Variants in IGFALS observed in about 807,000 individuals in gnomAD.
IGFALS encodes the protein insulin-like growth factor-binding protein complex acid labile subunit.
In IGFALS, 2 loss-of-function variants were observed where a neutral mutation model predicts 2.6. The ratio of observed to expected loss-of-function variants is 0.77; its 90% confidence interval spans 0.32 to 2.44. The LOEUF is 2.44. Ranked by LOEUF, IGFALS falls within the 30% of genes most tolerant of loss-of-function variation. The pLI is 0.11. For missense variants in IGFALS, 996 were observed against 848.7 expected, an observed-to-expected ratio of 1.17 and a Z score of -2.16; for synonymous variants, 519 against 431.9, an observed-to-expected ratio of 1.20 and a Z score of -2.50.
In IGFALS at chr16:1,791,875, G is replaced by A; in HGVS notation, c.543C>T (p.Ser181=). 1 of 1,562,116 alleles carries A rather than the reference G, an allele frequency of 6.4e-7. No homozygotes were observed. Among genetic ancestry groups the A allele is most frequent in the South Asian group, 1.2e-5 (1 of 85,502 alleles). ...ACGCCGCATCGGGGAGCACCGCCAG[G>A]CTATTCCAGCCGAGGTTGAGGTCCC... ...SLWDLNLGWN[S]LAVLPDAAFR... The change falls in exon 2 of 2, where the codon AGC becomes AGT. Residue 181 remains serine, a synonymous_variant. Transcript: ENST00000215539.
At chr16:1,792,427 C>T (rs768523914) in intron 1 of IGFALS, 26 bp from the exon 2 acceptor site, 11 of 1,524,102 alleles carry the variant, frequency 7.2e-6, no homozygotes, top group South Asian at 3.8e-5. Context: ...CTTGGGGAGG[C>T]GGCCCGAGGA....
In IGFALS at chr16:1,791,387, G is replaced by A. The variant is rs775129479; in HGVS notation, c.1031C>T (p.Thr344Met). 1.9e-5 allele frequency: 30 copies of A among 1,610,066 alleles called. No homozygotes were observed. The highest frequency in any genetic ancestry group is 2.2e-5 in the South Asian group (2 of 91,088). ...FEGLGQLEVL[T>M]LDHNQLQEVK... The stretch of plus-strand genomic sequence containing the variant: ...CTCCTGGAGCTGGTTGTGGTCTAGC[G>A]TGAGCACCTCAAGCTGCCCCAGGCC... Residue 344 changes from threonine to methionine, a missense_variant, in exon 2 of 2, where the codon ACG becomes ATG. Coordinates refer to ENST00000215539, the MANE Select transcript of IGFALS (RefSeq NM_004970.3).
At position 1,791,439 on chromosome 16, in the gene IGFALS, G is replaced by A. The variant is rs373711888; in HGVS notation, c.979C>T (p.Arg327Trp). ...TCAAAGCTGCGCTCAGCCAGCTGCC[G>A]GATGCGGTTGTGGCCCAGCTGCAGC... ...EELQLGHNRI[R>W]QLAERSFEGL... Residue 327 changes from arginine (R) to tryptophan (W), a missense_variant, in exon 2 of 2, where the codon CGG (arginine) becomes TGG (tryptophan). Arg to Trp is a moderately radical substitution (Grantham distance 101, BLOSUM62 -3). Transcript: ENST00000215539. 38 of 1,612,324 alleles carry A rather than the reference G, an allele frequency of 2.4e-5. No individual in the cohort carries two copies. In the South Asian group the frequency reaches 2.4e-4, roughly 10 times the overall value.
In IGFALS at chr16:1,790,838, C is replaced by A. The variant is rs1273043264; in HGVS notation, c.1580G>T (p.Gly527Val). The change falls in exon 2 of 2, where the codon GGC (glycine) becomes GTC (valine). Residue 527 changes from glycine (G) to valine (V), a missense_variant. By Grantham distance (109) the Gly-to-Val change is moderately radical (BLOSUM62 -3). Coordinates refer to ENST00000215539, the MANE Select transcript of IGFALS (RefSeq NM_004970.3). The stretch of plus-strand genomic sequence containing the variant: ...ACCCTCCAGCCACAGGCGCTCCAGG[C>A]CCGGGGGCTGCGGCGTGAAGGTCCG... Reference protein sequence around the residue: ...SLRTFTPQPPGLERLWLEGNP... With the variant: ...SLRTFTPQPPVLERLWLEGNP... The A allele has an allele frequency of 1.9e-6, 3 of 1,567,944 alleles. No individual in the cohort carries two copies. In the Admixed American group the frequency reaches 5.7e-5, roughly 30 times the overall value.
At position 1,790,724 on chromosome 16, in the gene IGFALS, A is replaced by G. The variant is rs886051775; in HGVS notation, c.1694T>C (p.Ile565Thr). The change falls in exon 2 of 2, where the codon ATC becomes ACC. Residue 565 changes from isoleucine to threonine, a missense_variant. Ile to Thr is a moderately conservative substitution (Grantham distance 89). Transcript: ENST00000215539. Reference sequence around the variant, plus strand: ...CGGCTGGCAATCGTCCCCCTCACAGATGGCCTGGACGAAGCGGGGCACAGC... The same window carrying G: ...CGGCTGGCAATCGTCCCCCTCACAGGTGGCCTGGACGAAGCGGGGCACAGC... ...PSAVPRFVQA[I>T]CEGDDCQPPA... The G allele has an allele frequency of 6.2e-7, 1 of 1,608,496 alleles. No individual in the cohort carries two copies. Among genetic ancestry groups the G allele is most frequent in the Admixed American group, 1.7e-5 (1 of 59,392 alleles).
chr16:1,794,760 G>T (rs1017097288), upstream of IGFALS: 1 of 687,968 alleles, frequency 1.5e-6, no homozygotes, highest in Non-Finnish European at 2.7e-6. Flanking sequence ...GCCGGAAGGG[G>T]TGCAGGCGGG....
rs781171301 is a variant in IGFALS at position 1,792,356 on chromosome 16, C to T, written c.62G>A (p.Gly21Asp). The part of the protein sequence containing the change: ...ALLLLSWVAL[G>D]PRSLEGADPG... ...GTCTGCTCCCTCCAGGCTGCGGGGG[C>T]CCAGTGCCACCCAGGACAGCAGCAG... The change falls in exon 2 of 2, where the codon GGC becomes GAC. Residue 21 changes from glycine (G) to aspartate (D), a missense_variant. Transcript: ENST00000215539. 1 of 1,588,380 alleles carries T rather than the reference C, an allele frequency of 6.3e-7. No homozygotes were observed. Among genetic ancestry groups the T allele is most frequent in the South Asian group, 1.1e-5 (1 of 90,246 alleles).
At position 1,790,476 on chromosome 16, in the gene IGFALS, C is replaced by A; in HGVS notation, c.*124G>T. On this transcript the variant is annotated 3_prime_UTR_variant, in exon 2 of 2. Transcript: ENST00000215539. ...GGGGGGGCCGCCATGCCTTCCACCC[C>A]ATCAGGCCCTTGCGTCTTCCAGCAA... is the stretch of plus-strand genomic sequence containing the variant. 1 of 839,088 alleles carries A rather than the reference C, an allele frequency of 1.2e-6. No homozygotes were observed. Among genetic ancestry groups the A allele is most frequent in the Non-Finnish European group, 2.0e-6 (1 of 511,694 alleles). The allele number at this position is 839,088 out of a possible 1,614,324, so 52.0% of individuals were successfully genotyped here.
chr16:1,792,386 G>T lies in IGFALS; in HGVS notation c.32C>A (p.Ala11Glu). The T allele has an allele frequency of 1.3e-6, 2 of 1,573,396 alleles. No individual in the cohort carries two copies. The highest frequency in any genetic ancestry group is 1.7e-6 in the Non-Finnish European group (2 of 1,163,766). MALRKGGLAL[A>E]LLLLSWVALG... ...TGCCACCCAGGACAGCAGCAGCAGC[G>T]CCAGGGCCAGGCCTCCTGCGGGGGG... The change falls in exon 2 of 2, where the codon GCG becomes GAG. Residue 11 changes from alanine to glutamate, a missense_variant. Coordinates refer to ENST00000215539, the MANE Select transcript of IGFALS (RefSeq NM_004970.3).
rs890824097 is a variant in IGFALS at position 1,792,322 on chromosome 16, C to T, written c.96G>A (p.Thr32=). The change falls in exon 2 of 2, where the codon ACG becomes ACA. Residue 32 remains threonine (T), a synonymous_variant. Coordinates refer to ENST00000215539, the MANE Select transcript of IGFALS (RefSeq NM_004970.3). The part of the protein sequence containing the change: ...PRSLEGADPG[T]PGEAEGPACP... The stretch of plus-strand genomic sequence containing the variant: ...ACGCTGGGCCCTCGGCTTCCCCCGG[C>T]GTTCCGGGGTCTGCTCCCTCCAGGC... 8.1e-6 allele frequency: 13 copies of T among 1,596,206 alleles called. No homozygotes were observed. Among genetic ancestry groups the T allele is most frequent in the African/African-American group, 4.0e-5 (3 of 74,856 alleles).
Position 1,793,625 on chromosome 16 carries a change from CGGG to C in IGFALS, c.16+9_16+11del, listed in dbSNP as rs763848816. 2 of 1,594,608 alleles carry C rather than the reference CGGG, an allele frequency of 1.3e-6. No individual in the cohort carries two copies. The highest frequency in any genetic ancestry group is 1.7e-6 in the Non-Finnish European group (2 of 1,170,246). On this transcript the variant is annotated intron_variant, in intron 1 of 1. Transcript: ENST00000215539. ...CCCCTAGAGTGGGTGGCGGGGCACT[CGGG>C]GGCCTCACCTTTCCTCAGGGCCATC...
upstream of IGFALS, chr16:1,794,757 G>A: frequency 1.5e-6 from 1 of 684,606 alleles, no homozygotes; most frequent in East Asian, 2.7e-5. Context: ...GCAGCCGGAA[G>A]GGGTGCAGGC....
At chr16:1,792,514 C>G (rs1384823319) in intron 1 of IGFALS, 113 bp from the exon 2 acceptor site, 5 of 1,432,442 alleles carry the variant, frequency 3.5e-6, no homozygotes, top group East Asian at 5.0e-5. Context: ...CGAGGTCACC[C>G]GCTGAGATGC....
At chr16:1,793,899 G>A (rs35587190), upstream of IGFALS, 60,505 of 416,562 alleles carry the variant, frequency 0.15, 7,824 homozygotes, top group African/African-American at 0.47. Context: ...GCCGTAATGC[G>A]GCCCTGGGGG....
chr16:1,794,296 G>A (rs1897290221), upstream of IGFALS, among the ~76,000 whole-genome samples: 1 of 152,182 alleles, frequency 6.6e-6, no homozygotes, highest in Non-Finnish European at 1.5e-5. Flanking sequence ...CTGGTGTCTG[G>A]CCACTGCCCC....
intron 1 of IGFALS, 38 bp from the exon 2 acceptor site, chr16:1,792,439 G>T: frequency 6.6e-7 from 1 of 1,508,422 alleles, no homozygotes; most frequent in Non-Finnish European, 8.8e-7. Context: ...GCCCGAGGAG[G>T]GCTCTGCCCG....
intron 1 of IGFALS, 183 bp from the exon 2 acceptor site, chr16:1,792,584 C>T (rs1434584623): frequency 1.7e-6 from 2 of 1,198,926 alleles, no homozygotes; most frequent in African/African-American, 1.5e-5. Flanking sequence ...CGCTTCCCAC[C>T]CCATGGGACA....
chr16:1,794,727 G>T (rs887027455), upstream of IGFALS: 3 of 650,492 alleles, frequency 4.6e-6, no homozygotes, highest in African/African-American at 3.6e-5. Flanking sequence ...TCCCTCGGCA[G>T]TGGGAAAGTG....
In IGFALS at chr16:1,790,845, G is replaced by T. The variant is rs771622025; in HGVS notation, c.1573C>A (p.Pro525Thr). The part of the protein sequence containing the change: ...NNSLRTFTPQ[P>T]PGLERLWLEG... Reference sequence around the variant, plus strand: ...AGCCACAGGCGCTCCAGGCCCGGGGGCTGCGGCGTGAAGGTCCGCAGTGAG... The same window carrying T: ...AGCCACAGGCGCTCCAGGCCCGGGGTCTGCGGCGTGAAGGTCCGCAGTGAG... Residue 525 changes from proline (P) to threonine (T), a missense_variant, in exon 2 of 2, where the codon CCC (proline) becomes ACC (threonine). By Grantham distance (38) the Pro-to-Thr change is conservative (BLOSUM62 -1). Transcript: ENST00000215539. The T allele has an allele frequency of 2.6e-6, 4 of 1,566,558 alleles. No individual in the cohort carries two copies. The East Asian group carries it at 9.5e-5, about 37-fold the overall frequency.
Sources: allele counts gnomAD v4.1 joint callset (sites outside exome capture counted in the v4.1 genomes callset), GRCh38; gene constraint gnomAD v4.1.1; transcripts MANE v1.5; gene names NCBI Gene and HGNC (gene_info 2026-07-23, HGNC 2026-07-21).